The following PRSS48 variants were observed in gnomAD, a reference collection of about 807,000 sequenced individuals.
PRSS48 encodes the protein epidermis-specific serine protease-like protein.
A neutral mutation model predicts 25.6 loss-of-function variants in PRSS48; 21 were observed. The ratio of observed to expected loss-of-function variants is 0.82; its 90% CI spans 0.58 to 1.18. The LOEUF (loss-of-function observed/expected upper bound fraction) is 1.18. PRSS48 is among the 50% of genes most tolerant of loss of function. The pLI is 0.00. For missense variants in PRSS48, 373 were observed against 399.3 expected (o/e 0.93, Z 0.56); for synonymous variants, 150 against 149.3 (o/e 1.00, Z -0.04).
At chr4:151,279,753 G>C (rs1412969153) in intron 1 of PRSS48, 43 bp from the exon 2 acceptor site, 1 of 1,587,516 alleles carries the variant, frequency 6.3e-7, no homozygotes, top group Non-Finnish European at 8.6e-7. Flanking sequence ...CAGAGAAACA[G>C]GACTCCTAGG....
exon 1 of PRSS48, chr4:151,277,199 G>T: frequency 1.3e-6 from 2 of 1,502,026 alleles, no homozygotes; most frequent in Non-Finnish European, 9.0e-7. Context: ...GTGCCTTCAC[G>T]CTGCTCCTTC....
At chr4:151,282,278 G>A (rs577660606) in exon 3 of PRSS48, 19 of 1,613,942 alleles carry the variant, frequency 1.2e-5, no homozygotes, top group South Asian at 4.4e-5. Flanking sequence ...GGCAGACGTC[G>A]CCTTGTTGAA....
intron 2 of PRSS48, among the ~76,000 whole-genome samples, chr4:151,280,479 C>G (rs1258876506): frequency 6.6e-6 from 1 of 152,220 alleles, no homozygotes; most frequent in African/African-American, 2.4e-5. Context: ...TGGTACTCAA[C>G]TAAGTCACAC....
intron 4 of PRSS48, among the ~76,000 whole-genome samples, chr4:151,284,009 C>T (rs1774501988): frequency 6.6e-6 from 1 of 151,946 alleles, no homozygotes; most frequent in South Asian, 2.1e-4. Context: ...TTTTCTTTAC[C>T]TTTGATTGTC....
At chr4:151,291,181 A>G (rs1463896183) in exon 5 of PRSS48, 1 of 1,613,822 alleles carries the variant, frequency 6.2e-7, no homozygotes, top group Admixed American at 1.7e-5. Flanking sequence ...AGGAGTAGTA[A>G]GCTGGGGATT....
intron 4 of PRSS48, among the ~76,000 whole-genome samples, chr4:151,286,184 G>GCAAAAAAA (rs1774746173): frequency 1.2e-5 from 1 of 86,628 alleles, no homozygotes; most frequent in Non-Finnish European, 2.0e-5. Context: ...CTGTCTTAAA[G>GCAAAAAAA]AAAAAAAAAA....
chr4:151,287,341 C>CAA (rs34944826), intron 4 of PRSS48, among the ~76,000 whole-genome samples: 10 of 82,364 alleles, frequency 1.2e-4, no homozygotes, highest in South Asian at 3.8e-4. Context: ...ACTCTGTCTC[C>CAA]AAAAAAAAAA....
intron 4 of PRSS48, among the ~76,000 whole-genome samples, chr4:151,289,276 C>T (rs1182608634): frequency 1.3e-5 from 2 of 152,048 alleles, no homozygotes; most frequent in Non-Finnish European, 2.9e-5. Flanking sequence ...AACTATAGCA[C>T]CTTTAGGAAA....
At chr4:151,287,512 A>T (rs895817437) in intron 4 of PRSS48, among the ~76,000 whole-genome samples, 2 of 152,212 alleles carry the variant, frequency 1.3e-5, no homozygotes, top group African/African-American at 4.8e-5. Context: ...AAAAAGGACT[A>T]TATATACCGG....
intron 4 of PRSS48, among the ~76,000 whole-genome samples, chr4:151,286,495 G>C (rs1774801266): frequency 6.6e-6 from 1 of 150,658 alleles, no homozygotes; most frequent in Non-Finnish European, 1.5e-5. Context: ...TAACTAAGAT[G>C]ATATGGACAA....
At chr4:151,288,143 C>T (rs1434010067) in intron 4 of PRSS48, among the ~76,000 whole-genome samples, 1 of 151,580 alleles carries the variant, frequency 6.6e-6, no homozygotes, top group Non-Finnish European at 1.5e-5. Context: ...CGATCAAGTG[C>T]AACTACAAAA....
chr4:151,285,329 T>G (rs80278913), intron 4 of PRSS48, among the ~76,000 whole-genome samples: 1,675 of 152,322 alleles, frequency 0.011, 10 homozygotes, highest in Non-Finnish European at 0.018. Flanking sequence ...CCATGGAACA[T>G]TCTCCAGAAT....
chr4:151,291,163 A>G (rs2150019190), exon 5 of PRSS48: 1 of 1,613,840 alleles, frequency 6.2e-7, no homozygotes, highest in Admixed American at 1.7e-5. Flanking sequence ...TGGTGTATGG[A>G]TCCAGACAGG....
chr4:151,280,112 G>GGC (rs1774064886), intron 2 of PRSS48, among the ~76,000 whole-genome samples, 154 bp downstream of exon 2: 3 of 152,256 alleles, frequency 2.0e-5, no homozygotes, highest in Non-Finnish European at 4.4e-5. Context: ...AACAACTAGA[G>GGC]ACAGGGCATA....
At position 151,291,074 on chromosome 4, in the gene PRSS48, A is replaced by G. The variant is rs984601245; in HGVS notation, c.652-44A>G. The G allele has an allele frequency of 2.1e-6, 3 of 1,444,756 alleles. No homozygotes were observed. The African/African-American group carries it at 4.2e-5, about 20-fold the overall frequency. The allele number at this position is 1,444,756 out of a possible 1,614,324, so 89.5% of individuals were successfully genotyped here. On this transcript the variant is annotated intron_variant, in intron 4 of 4. Coordinates refer to ENST00000455694, the Ensembl canonical transcript of PRSS48. ...ACCCCTTATTACTACTCTCTTCTTT[A>G]TGCCTCTTTTCACTATGCTCATTAC...
intron 1 of PRSS48, 137 bp downstream of exon 1, chr4:151,277,361 C>G: frequency 1.9e-6 from 1 of 529,868 alleles, no homozygotes; most frequent in East Asian, 3.4e-5. Context: ...TGAGAGGCTA[C>G]TATATACCCA....
intron 4 of PRSS48, 138 bp from the exon 5 acceptor site, chr4:151,290,980 G>C: frequency 1.6e-6 from 1 of 606,308 alleles, no homozygotes; most frequent in South Asian, 2.2e-5. Context: ...CTAAAGCAGT[G>C]ATTAGTCCAG....
chr4:151,284,896 T>A (rs1158802649), intron 4 of PRSS48, among the ~76,000 whole-genome samples: 1 of 152,172 alleles, frequency 6.6e-6, no homozygotes, highest in Non-Finnish European at 1.5e-5. Context: ...TATTCAGAAA[T>A]TTGAGCAGAG....
chr4:151,280,881 T>G (rs994595283), intron 2 of PRSS48, among the ~76,000 whole-genome samples: 2 of 152,172 alleles, frequency 1.3e-5, no homozygotes, highest in African/African-American at 4.8e-5. Context: ...CTTAGAATTC[T>G]ACCCATATGC....
Sources: gnomAD v4.1 joint callset for allele counts (sites outside exome capture counted in the v4.1 genomes callset) on GRCh38, gnomAD v4.1.1 for gene constraint, MANE v1.5 for transcripts, NCBI Gene and HGNC (gene_info 2026-07-23, HGNC 2026-07-21) for gene names.